DIABLO: variants seen among roughly 807,000 people sequenced by gnomAD.
DIABLO encodes diablo IAP-binding mitochondrial protein.
In DIABLO, 32 loss-of-function variants were observed where a neutral mutation model predicts 31.7. The observed-to-expected ratio is 1.01, with a 90% CI of 0.76 to 1.35. DIABLO has a LOEUF of 1.35. DIABLO is among the 40% of genes most tolerant of loss of function. DIABLO has a pLI of 0.00. For synonymous variants in DIABLO, 132 were observed against 103.2 expected, an observed-to-expected ratio of 1.28 and a Z score of -1.69; for missense variants, 316 against 286.4, an observed-to-expected ratio of 1.10 and a Z score of -0.75.
intron 2 of DIABLO, among the ~76,000 whole-genome samples, chr12:122,223,151 A>G (rs915034968): frequency 1.1e-4 from 16 of 151,976 alleles, no homozygotes; most frequent in African/African-American, 2.7e-4. Flanking sequence ...ATCCTCTGTG[A>G]CAGCCGGGCA....
chr12:122,219,778 G>C (rs549240316), intron 2 of DIABLO, among the ~76,000 whole-genome samples: 2 of 150,486 alleles, frequency 1.3e-5, no homozygotes, highest in Non-Finnish European at 3.0e-5. Context: ...CAGGAGAATC[G>C]CTTGAACCCA....
At chr12:122,211,640 C>G (rs1954091181) in intron 5 of DIABLO, among the ~76,000 whole-genome samples, 1 of 151,808 alleles carries the variant, frequency 6.6e-6, no homozygotes, top group African/African-American at 2.4e-5. Context: ...GTGATCATGC[C>G]ATTACACTCC....
At chr12:122,225,926 C>T (rs755569720) in intron 1 of DIABLO, 39 bp downstream of exon 1, 4 of 1,565,800 alleles carry the variant, frequency 2.6e-6, no homozygotes, top group South Asian at 2.3e-5. Context: ...GTCGGTCCCT[C>T]CCTCTGGTCC....
At chr12:122,210,866 C>CT in intron 5 of DIABLO, among the ~76,000 whole-genome samples, 1 of 149,722 alleles carries the variant, frequency 6.7e-6, no homozygotes, top group East Asian at 1.9e-4. Flanking sequence ...TAGCAAAACT[C>CT]TGTTTCTACT....
chr12:122,224,535 G>A lies in DIABLO; in HGVS notation c.160C>T (p.Leu54=). Residue 54 remains leucine, a synonymous_variant, in exon 2 of 6, where the codon CTG becomes TTG. Transcript: ENST00000464942. The stretch of plus-strand genomic sequence containing the variant: ...ACCTGTGCAATAGGAACCGCACACA[G>A]GGTTACTCCAAAGCCAATCGTCACA... ...KTVTIGFGVT[L]CAVPIAQKSE... is the part of the protein sequence containing the mutation. 1 of 1,613,382 alleles carries A rather than the reference G, an allele frequency of 6.2e-7. No homozygotes were observed. The highest frequency in any genetic ancestry group is 8.5e-7 in the Non-Finnish European group (1 of 1,179,926).
chr12:122,222,510 G>A (rs980736787), intron 2 of DIABLO: 6 of 151,682 alleles, frequency 4.0e-5, no homozygotes, highest in African/African-American at 1.5e-4. Context: ...GGCTGAGGCA[G>A]GAGAATGGTG....
At chr12:122,210,683 T>C (rs1413311205) in intron 5 of DIABLO, among the ~76,000 whole-genome samples, 3 of 152,008 alleles carry the variant, frequency 2.0e-5, no homozygotes, top group Non-Finnish European at 4.4e-5. Context: ...CCAGGTGATA[T>C]ATCAACTTTT....
intron 1 of DIABLO, chr12:122,225,724 G>A (rs1954448369): frequency 7.0e-7 from 1 of 1,424,712 alleles, no homozygotes; most frequent in Non-Finnish European, 9.2e-7. Flanking sequence ...CAAGAAGGCA[G>A]CCCGGGGTCT....
At position 122,207,937 on chromosome 12, in the gene DIABLO, A is replaced by C. The variant is rs1953964705; in HGVS notation, c.*444T>G. ...AGAAATACATACAAAGAAATCGTAC[A>C]AACTGGACAGGTTCCCCTCCCCCTG... On this transcript the variant is annotated 3_prime_UTR_variant, in exon 6 of 6. Transcript: ENST00000464942. 2 of 462,396 alleles carry C rather than the reference A, an allele frequency of 4.3e-6. No individual in the cohort carries two copies. The highest frequency in any genetic ancestry group is 4.0e-5 in the African/African-American group (2 of 50,348). 28.6% of individuals were successfully genotyped at this position (462,396 alleles called of 1,614,324 possible). A position where few individuals can be genotyped will look rare whatever the true frequency, so the allele number is the denominator to read the frequency against.
At chr12:122,222,816 G>A (rs1001527942) in intron 2 of DIABLO, among the ~76,000 whole-genome samples, 3 of 152,050 alleles carry the variant, frequency 2.0e-5, no homozygotes, top group African/African-American at 7.2e-5. Flanking sequence ...CCATGCCACT[G>A]CTGATCTGCC....
intron 3 of DIABLO, chr12:122,217,160 A>G (rs1269583063): frequency 1.0e-5 from 4 of 382,662 alleles, no homozygotes; most frequent in Middle Eastern, 8.5e-4. Context: ...GCTGGAAAAT[A>G]TATGTAAAAC....
chr12:122,226,063 C>T (rs1478178345), upstream of DIABLO: 12 of 1,577,126 alleles, frequency 7.6e-6, no homozygotes, highest in Admixed American at 1.8e-5. Flanking sequence ...GACGCAGCTT[C>T]GTGAGCGCGG....
chr12:122,219,335 G>A (rs879502014), intron 2 of DIABLO, among the ~76,000 whole-genome samples: 2 of 152,090 alleles, frequency 1.3e-5, no homozygotes, highest in East Asian at 1.9e-4. Flanking sequence ...TACTTGAGAC[G>A]CAAGTCTCAA....
At chr12:122,218,232 G>C in intron 3 of DIABLO, 34 bp downstream of exon 3, 1 of 1,613,060 alleles carries the variant, frequency 6.2e-7, no homozygotes, top group Non-Finnish European at 8.5e-7. Flanking sequence ...GCTAAACCAT[G>C]GTTTAGAAGA....
intron 2 of DIABLO, chr12:122,221,152 T>C (rs930910637): frequency 2.0e-5 from 3 of 152,074 alleles, no homozygotes; most frequent in African/African-American, 7.2e-5. Flanking sequence ...AAATATACAA[T>C]ATTAAGTGGC....
intron 2 of DIABLO, among the ~76,000 whole-genome samples, chr12:122,219,874 A>G (rs1954296991): frequency 6.6e-6 from 1 of 151,626 alleles, no homozygotes; most frequent in South Asian, 2.1e-4. Flanking sequence ...CCAAAAAAAA[A>G]AAAAGTGGAT....
chr12:122,210,679 G>C (rs1381545232), intron 5 of DIABLO, among the ~76,000 whole-genome samples: 1 of 151,960 alleles, frequency 6.6e-6, no homozygotes, highest in Admixed American at 6.6e-5. Flanking sequence ...GCGCCCAGGT[G>C]ATATATCAAC....
chr12:122,227,448 G>C (rs966338752), upstream of DIABLO: 2 of 454,006 alleles, frequency 4.4e-6, no homozygotes, highest in Non-Finnish European at 8.8e-6. Context: ...CTGCGATCTC[G>C]GCAGAACTGA....
intron 3 of DIABLO, 193 bp from the exon 4 acceptor site, chr12:122,217,062 C>T (rs926236158): frequency 6.2e-5 from 34 of 551,880 alleles, no homozygotes; most frequent in Non-Finnish European, 1.1e-4. Context: ...CTGTAAACTT[C>T]TGTGTTTTTA....
Sources: allele counts gnomAD v4.1 joint callset (sites outside exome capture counted in the v4.1 genomes callset), GRCh38; gene constraint gnomAD v4.1.1; transcripts MANE v1.5; gene names NCBI Gene and HGNC (gene_info 2026-07-23, HGNC 2026-07-21).